Variants in TRERF1 observed in about 807,000 individuals in gnomAD.
TRERF1 encodes transcriptional regulating factor 1.
TRERF1 carries 27 observed loss-of-function variants against 122.9 expected under a neutral mutation model. The ratio of observed to expected loss-of-function variants is 0.22; its 90% CI spans 0.16 to 0.30. The LOEUF (loss-of-function observed/expected upper bound fraction) is 0.30, where lower values mean the gene tolerates loss of function less well. Among genes scored for constraint, TRERF1 ranks in the 10% least tolerant of loss-of-function variants. The pLI is 1.00. For synonymous variants in TRERF1, 636 were observed against 641.7 expected (o/e 0.99, Z 0.13); for missense variants, 1,248 against 1,560.3 (o/e 0.80, Z 3.37).
intron 15 of TRERF1, among the ~76,000 whole-genome samples, chr6:42,240,450 A>G (rs1773431314): frequency 6.6e-6 from 1 of 152,166 alleles, no homozygotes; most frequent in Non-Finnish European, 1.5e-5. Flanking sequence ...TCATCTGGCC[A>G]TTTTACAGAC....
Position 42,297,785 on chromosome 6 carries a change from C to G in TRERF1, c.-259+2853G>C, listed in dbSNP as rs1471315636. Among the ~76,000 whole-genome samples, 38 of 151,918 alleles carry G rather than the reference C, an allele frequency of 2.5e-4. 1 individual carries two copies. Among genetic ancestry groups the G allele is most frequent in the Non-Finnish European group, 1.0e-4 (7 of 67,978 alleles). ...TCCTCTCTGGAAAAGACAACTCAAC[C>G]CACACCTCAGATAATTCCCTAAGAT... On this transcript the variant is annotated intron_variant, in intron 4 of 17. Coordinates refer to ENST00000372922, the Ensembl canonical transcript of TRERF1.
intron 2 of TRERF1, among the ~76,000 whole-genome samples, chr6:42,431,152 G>T (rs905272101): frequency 1.3e-5 from 2 of 151,926 alleles, no homozygotes; most frequent in Non-Finnish European, 2.9e-5. Context: ...ATTTTTTCTT[G>T]AGAGTGCAAA....
chr6:42,414,728 A>G (rs937689145), intron 2 of TRERF1, among the ~76,000 whole-genome samples: 1 of 152,210 alleles, frequency 6.6e-6, no homozygotes, highest in African/African-American at 2.4e-5. Flanking sequence ...GTTATCTTCT[A>G]TTCTTTTGTT....
intron 15 of TRERF1, 49 bp from the exon 16 acceptor site, chr6:42,236,460 TC>T: frequency 5.9e-6 from 9 of 1,536,758 alleles, no homozygotes; most frequent in Non-Finnish European, 7.0e-6. Context: ...CAAATGGCAT[TC>T]TTAGTGATGA....
intron 8 of TRERF1, among the ~76,000 whole-genome samples, chr6:42,262,170 C>T (rs143705007): frequency 1.3e-5 from 2 of 152,108 alleles, no homozygotes; most frequent in Non-Finnish European, 2.9e-5. Flanking sequence ...CAAGTCCTGA[C>T]GGCTTATGAG....
chr6:42,369,669 T>C (rs1184809064), intron 2 of TRERF1, among the ~76,000 whole-genome samples: 1 of 152,178 alleles, frequency 6.6e-6, no homozygotes, highest in African/African-American at 2.4e-5. Flanking sequence ...CAAGCAAAGG[T>C]ATTTTACAAA....
intron 2 of TRERF1, among the ~76,000 whole-genome samples, chr6:42,369,807 T>A (rs1461939263): frequency 6.6e-6 from 1 of 152,164 alleles, no homozygotes; most frequent in Non-Finnish European, 1.5e-5. Flanking sequence ...CCGCCCACTG[T>A]TGCATTCACC....
chr6:42,414,147 GA>G (rs1195262783), intron 2 of TRERF1, among the ~76,000 whole-genome samples: 1 of 152,194 alleles, frequency 6.6e-6, no homozygotes, highest in Middle Eastern at 3.2e-3. Context: ...CAAAAGGAGA[GA>G]CACAAACTGA....
At chr6:42,256,400 G>A (rs113491796) in intron 12 of TRERF1, among the ~76,000 whole-genome samples, 8 of 152,282 alleles carry the variant, frequency 5.3e-5, no homozygotes, top group African/African-American at 1.4e-4. Flanking sequence ...TTCTGCTTCA[G>A]TAAAGCCTTC....
intron 2 of TRERF1, among the ~76,000 whole-genome samples, chr6:42,385,003 A>G (rs1277776284): frequency 6.6e-6 from 1 of 151,254 alleles, no homozygotes; most frequent in Non-Finnish European, 1.5e-5. Flanking sequence ...ATGAGGTTTC[A>G]CCATGTCCAT....
intron 3 of TRERF1, among the ~76,000 whole-genome samples, chr6:42,350,529 C>T (rs977027456): frequency 3.9e-5 from 6 of 152,168 alleles, no homozygotes; most frequent in African/African-American, 1.4e-4. Flanking sequence ...AGGAAAGGGG[C>T]ATGGAGAAGC....
At chr6:42,392,400 C>T (rs570647414) in intron 2 of TRERF1, among the ~76,000 whole-genome samples, 57 of 152,214 alleles carry the variant, frequency 3.7e-4, no homozygotes, top group South Asian at 2.9e-3. Flanking sequence ...GCATTTAGGA[C>T]GTACCTGGGA....
intron 2 of TRERF1, among the ~76,000 whole-genome samples, chr6:42,374,384 C>T (rs184865579): frequency 1.6e-4 from 25 of 152,154 alleles, no homozygotes; most frequent in Non-Finnish European, 2.9e-5. Context: ...GGTTGTGTCT[C>T]GTCACCATCA....
intron 2 of TRERF1, among the ~76,000 whole-genome samples, chr6:42,369,779 A>G (rs2151023915): frequency 6.6e-6 from 1 of 152,146 alleles, no homozygotes; most frequent in Admixed American, 6.5e-5. Flanking sequence ...AGGAGGTAAA[A>G]TTTCACAATA....
intron 2 of TRERF1, among the ~76,000 whole-genome samples, chr6:42,448,304 A>G (rs1787896493): frequency 6.6e-6 from 1 of 152,202 alleles, no homozygotes; most frequent in South Asian, 2.1e-4. Flanking sequence ...AACTGGCTGG[A>G]GAAGAAACTT....
intron 2 of TRERF1, among the ~76,000 whole-genome samples, chr6:42,416,887 G>A (rs745921059): frequency 2.0e-5 from 3 of 151,920 alleles, no homozygotes; most frequent in Non-Finnish European, 2.9e-5. Flanking sequence ...TCTAGTGTCT[G>A]GGTTTTTTGT....
At chr6:42,392,563 G>C (rs1777922029) in intron 2 of TRERF1, among the ~76,000 whole-genome samples, 1 of 152,130 alleles carries the variant, frequency 6.6e-6, no homozygotes, top group Non-Finnish European at 1.5e-5. Context: ...GACCTATCCA[G>C]AAAGGATCAT....
intron 14 of TRERF1, among the ~76,000 whole-genome samples, chr6:42,245,463 A>G (rs1774610939): frequency 6.6e-6 from 1 of 152,246 alleles, no homozygotes; most frequent in Non-Finnish European, 1.5e-5. Flanking sequence ...GGTGCTATCA[A>G]CTGCGCCCTG....
intron 13 of TRERF1, among the ~76,000 whole-genome samples, chr6:42,252,806 G>A (rs1441048840): frequency 1.3e-5 from 2 of 152,128 alleles, no homozygotes; most frequent in African/African-American, 4.8e-5. Flanking sequence ...TGCCCTTTTT[G>A]CTCAAACTTC....
Sources: allele counts gnomAD v4.1 joint callset (sites outside exome capture counted in the v4.1 genomes callset), GRCh38; gene constraint gnomAD v4.1.1; transcripts MANE v1.5; gene names NCBI Gene and HGNC (gene_info 2026-07-23, HGNC 2026-07-21).